GUCY1A2: variants seen among roughly 807,000 people sequenced by gnomAD.
GUCY1A2 encodes guanylate cyclase 1 soluble subunit alpha 2.
In GUCY1A2, 27 loss-of-function variants were observed where a neutral mutation model predicts 63.5. The observed-to-expected ratio is 0.43, with a 90% CI of 0.31 to 0.59. The LOEUF (loss-of-function observed/expected upper bound fraction) is 0.59, where lower values mean the gene tolerates loss of function less well. Among genes scored for constraint, GUCY1A2 ranks in the 20% least tolerant of loss-of-function variants. The probability of loss-of-function intolerance (pLI) is 0.11; values close to 1 mark genes in which losing one functional copy is unlikely to be tolerated. For synonymous variants in GUCY1A2, 364 were observed against 343.5 expected (o/e 1.06, Z -0.66); for missense variants, 768 against 913.3 (o/e 0.84, Z 2.05).
chr11:106,763,302 T>C (rs575477644), intron 6 of GUCY1A2, among the ~76,000 whole-genome samples: 24 of 151,832 alleles, frequency 1.6e-4, no homozygotes, highest in South Asian at 8.3e-4. Flanking sequence ...TTTTAGGAAA[T>C]TGAGAGAGAA....
chr11:106,737,586 C>T (rs1342297344), intron 6 of GUCY1A2, among the ~76,000 whole-genome samples: 1 of 152,120 alleles, frequency 6.6e-6, no homozygotes, highest in East Asian at 1.9e-4. Flanking sequence ...TGTGTGATGT[C>T]CCCTCCCTGT....
Position 106,745,052 on chromosome 11 carries a change from AGATTT to A in GUCY1A2, c.1836+31382_1836+31386del, listed in dbSNP as rs1484383660. On this transcript the variant is annotated intron_variant, in intron 6 of 7. Transcript: ENST00000526355. ...ATGAAGGAAAAGAATAAAAATTATT[AGATTT>A]AAGAGAGAAAAACAGGTTAAATTTA... Among the ~76,000 whole-genome samples, 64 of 152,338 alleles carry A rather than the reference AGATTT, an allele frequency of 4.2e-4. No homozygotes were observed. In the East Asian group the frequency reaches 5.6e-3, roughly 13 times the overall value.
At chr11:106,754,833 C>T (rs1863945149) in intron 6 of GUCY1A2, among the ~76,000 whole-genome samples, 1 of 152,166 alleles carries the variant, frequency 6.6e-6, no homozygotes, top group Non-Finnish European at 1.5e-5. Context: ...TGTTGTGTCT[C>T]TGCCAGGTTT....
chr11:106,741,298 T>A (rs1313584818), intron 6 of GUCY1A2, among the ~76,000 whole-genome samples: 3 of 152,222 alleles, frequency 2.0e-5, no homozygotes, highest in African/African-American at 7.2e-5. Flanking sequence ...TTACAGCACA[T>A]CTCAATTTTG....
At chr11:106,891,878 C>G (rs61635490) in intron 4 of GUCY1A2, among the ~76,000 whole-genome samples, 37,209 of 151,960 alleles carry the variant, frequency 0.24, 4,821 homozygotes, top group African/African-American at 0.33. Flanking sequence ...TCTTAGCTAA[C>G]CTAAGCATTT....
intron 1 of GUCY1A2, among the ~76,000 whole-genome samples, chr11:106,992,097 C>G (rs1861476865): frequency 6.6e-6 from 1 of 152,148 alleles, no homozygotes; most frequent in African/African-American, 2.4e-5. Context: ...AAGCATGTAA[C>G]CTTCAACCTT....
chr11:106,746,665 A>G, intron 6 of GUCY1A2: 1 of 1,384,512 alleles, frequency 7.2e-7, no homozygotes, highest in East Asian at 2.3e-5. Context: ...ACACCGAGAC[A>G]CCAAGTGAAT....
At chr11:106,834,912 T>G (rs1463113834) in intron 4 of GUCY1A2, among the ~76,000 whole-genome samples, 1 of 152,014 alleles carries the variant, frequency 6.6e-6, no homozygotes, top group Non-Finnish European at 1.5e-5. Context: ...GTTCTAGGTT[T>G]GTAATGTCTC....
chr11:106,878,107 A>G (rs979516916), intron 4 of GUCY1A2, among the ~76,000 whole-genome samples: 4 of 152,184 alleles, frequency 2.6e-5, no homozygotes, highest in Non-Finnish European at 5.9e-5. Context: ...AAGAATGGCT[A>G]TTATTAAAAA....
chr11:106,786,463 T>C, intron 5 of GUCY1A2, among the ~76,000 whole-genome samples: 1 of 152,178 alleles, frequency 6.6e-6, no homozygotes, highest in East Asian at 1.9e-4. Flanking sequence ...AATGACTGTC[T>C]ATCACAGAAA....
Position 106,781,129 on chromosome 11 carries a change from A to AAG in GUCY1A2, c.1693-4548_1693-4547insCT, listed in dbSNP as rs1555031193. Among the ~76,000 whole-genome samples, 177 of 145,432 alleles carry AAG rather than the reference A, an allele frequency of 1.2e-3. 5 individuals are homozygous for AAG. Among genetic ancestry groups the AAG allele is most frequent in the South Asian group, 9.7e-3 (45 of 4,620 alleles). On this transcript the variant is annotated intron_variant, in intron 5 of 7. Transcript: ENST00000526355. ...ACAGACTACAAAAAAAAAAAAAAAAAAAAAGAAAAACTGTCTAAAAGTTGA... is the reference window on the plus strand; with the variant it reads ...ACAGACTACAAAAAAAAAAAAAAAAAAGAAAAGAAAAACTGTCTAAAAGTTGA...
chr11:106,768,881 G>C (rs1045089195), intron 6 of GUCY1A2, among the ~76,000 whole-genome samples: 1 of 152,000 alleles, frequency 6.6e-6, no homozygotes, highest in African/African-American at 2.4e-5. Flanking sequence ...AGAATTCCTA[G>C]GGCAAAGACC....
intron 4 of GUCY1A2, among the ~76,000 whole-genome samples, chr11:106,887,195 T>G (rs1859911854): frequency 6.6e-6 from 1 of 152,138 alleles, no homozygotes; most frequent in South Asian, 2.1e-4. Flanking sequence ...GCAGGCACTA[T>G]TTCTATTATA....
chr11:106,931,014 T>A (rs1249887098), intron 4 of GUCY1A2, among the ~76,000 whole-genome samples: 1 of 152,228 alleles, frequency 6.6e-6, no homozygotes, highest in Non-Finnish European at 1.5e-5. Context: ...AGCCCAGACT[T>A]ACATTTCTAT....
Position 106,810,443 on chromosome 11 carries a change from T to A in GUCY1A2, c.1242A>T (p.Pro414=). 6.2e-7 allele frequency: 1 copy of A among 1,610,560 alleles called. No homozygotes were observed. The highest frequency in any genetic ancestry group is 1.7e-5 in the Admixed American group (1 of 59,662). Residue 414 remains proline, a synonymous_variant, in exon 5 of 8, where the codon CCA becomes CCT. Transcript: ENST00000526355. ...MEVKGQMIHV[P]ESNSILFLGS... ...CCAAAAATAAAATGGAATTTGATTC[T>A]GGAACATGGATCATTTGTCCTTTGA...
chr11:106,928,877 A>G (rs1438506268), intron 4 of GUCY1A2, among the ~76,000 whole-genome samples: 2 of 152,198 alleles, frequency 1.3e-5, no homozygotes, highest in Non-Finnish European at 2.9e-5. Flanking sequence ...TAAACCATCA[A>G]TGTGTAGTGT....
At chr11:106,922,220 C>A (rs1381076233) in intron 4 of GUCY1A2, among the ~76,000 whole-genome samples, 2 of 151,982 alleles carry the variant, frequency 1.3e-5, no homozygotes, top group Non-Finnish European at 2.9e-5. Context: ...AAATACCTGC[C>A]CTTTTACTTT....
chr11:106,931,475 T>C (rs1475342301), intron 4 of GUCY1A2, among the ~76,000 whole-genome samples: 2 of 152,214 alleles, frequency 1.3e-5, no homozygotes, highest in Non-Finnish European at 2.9e-5. Context: ...ACTTACTATA[T>C]GATGCAACAA....
At chr11:106,841,489 TAATA>T (rs1227943731) in intron 4 of GUCY1A2, among the ~76,000 whole-genome samples, 1 of 151,938 alleles carries the variant, frequency 6.6e-6, no homozygotes, top group Non-Finnish European at 1.5e-5. Context: ...AGCAGGTGCT[TAATA>T]AATATTGGCT....
Sources: gnomAD v4.1 joint callset for allele counts (sites outside exome capture counted in the v4.1 genomes callset) on GRCh38, gnomAD v4.1.1 for gene constraint, MANE v1.5 for transcripts, NCBI Gene and HGNC (gene_info 2026-07-23, HGNC 2026-07-21) for gene names.